Variants in CACNA2D2 observed in about 807,000 individuals in gnomAD.
CACNA2D2 encodes the protein calcium voltage-gated channel auxiliary subunit alpha2delta 2, also known as voltage-dependent calcium channel subunit alpha-2/delta-2.
CACNA2D2 carries 48 observed loss-of-function variants against 166.4 expected under a neutral mutation model. The ratio of observed to expected loss-of-function variants is 0.29; its 90% confidence interval spans 0.23 to 0.37. The LOEUF (loss-of-function observed/expected upper bound fraction) is 0.37, where lower values mean the gene tolerates loss of function less well. Among genes scored for constraint, CACNA2D2 ranks in the 10% least tolerant of loss-of-function variants. The probability of loss-of-function intolerance (pLI) is 1.00; values close to 1 mark genes in which losing one functional copy is unlikely to be tolerated. For missense variants in CACNA2D2, 1,122 were observed against 1,433.0 expected (o/e 0.78, Z 3.50); for synonymous variants, 561 against 573.7 (o/e 0.98, Z 0.32).
chr3:50,473,535 C>T (rs1197098211), intron 2 of CACNA2D2, among the ~76,000 whole-genome samples: 7 of 152,340 alleles, frequency 4.6e-5, no homozygotes, highest in African/African-American at 1.7e-4. Flanking sequence ...AGGCTGTCAG[C>T]TTGGCAGAGC....
chr3:50,484,760 C>T (rs1698207528), intron 1 of CACNA2D2, among the ~76,000 whole-genome samples: 1 of 152,268 alleles, frequency 6.6e-6, no homozygotes, highest in African/African-American at 2.4e-5. Flanking sequence ...TAGCCTCTGC[C>T]TTGGGCTGTG....
In CACNA2D2 at chr3:50,427,593, C is replaced by T. The variant is rs991443250; in HGVS notation, c.405+6720G>A. The stretch of plus-strand genomic sequence containing the variant: ...GGGGAGGCAGAAGCCATCGCCAGCC[C>T]CACATAAACACCTTTTAATTGCCCA... On this transcript the variant is annotated intron_variant, in intron 3 of 37. Coordinates refer to ENST00000424201, the MANE Select transcript of CACNA2D2 (RefSeq NM_006030.4). The surrounding 1 kb of genome is among the most constrained non-coding windows in gnomAD (Gnocchi z 4.7). Among the ~76,000 whole-genome samples the T allele has an allele frequency of 1.3e-5, 2 of 152,222 alleles. No homozygotes were observed. Among genetic ancestry groups the T allele is most frequent in the African/African-American group, 4.8e-5 (2 of 41,450 alleles).
At chr3:50,448,417 G>A (rs757240203) in intron 2 of CACNA2D2, among the ~76,000 whole-genome samples, 4 of 152,122 alleles carry the variant, frequency 2.6e-5, no homozygotes, top group Admixed American at 2.0e-4. Context: ...GAGTGTATCT[G>A]TACATGTATG....
At chr3:50,385,005 AT>A (rs1320906050) in intron 5 of CACNA2D2, among the ~76,000 whole-genome samples, 2 of 150,370 alleles carry the variant, frequency 1.3e-5, no homozygotes, top group African/African-American at 4.8e-5. Flanking sequence ...GCCCCTGTTG[AT>A]TTTCTAAAAT....
intron 2 of CACNA2D2, among the ~76,000 whole-genome samples, chr3:50,454,079 CT>C (rs1709233613): frequency 6.6e-6 from 1 of 152,228 alleles, no homozygotes; most frequent in Non-Finnish European, 1.5e-5. Flanking sequence ...ATAGCTTTTG[CT>C]GAATTCAGCT....
intron 3 of CACNA2D2, among the ~76,000 whole-genome samples, chr3:50,432,125 G>A (rs1708100379): frequency 1.3e-5 from 2 of 152,298 alleles, no homozygotes; most frequent in East Asian, 3.9e-4. Context: ...CAAGGGGGGT[G>A]CAGGGAGAGG....
At chr3:50,372,785 G>C (rs1034342899) in intron 22 of CACNA2D2, among the ~76,000 whole-genome samples, 1 of 152,128 alleles carries the variant, frequency 6.6e-6, no homozygotes. Flanking sequence ...GGGGAGGCAG[G>C]GGCCTCCCCA....
At chr3:50,442,990 C>CA (rs973003768) in intron 2 of CACNA2D2, among the ~76,000 whole-genome samples, 2 of 152,300 alleles carry the variant, frequency 1.3e-5, no homozygotes, top group Admixed American at 1.3e-4. Context: ...CCTGGAATAG[C>CA]ATCGGGTGGG....
intron 5 of CACNA2D2, 150 bp downstream of exon 5, chr3:50,387,418 G>A: frequency 1.4e-6 from 1 of 724,452 alleles, no homozygotes. Context: ...CGGACTTCTA[G>A]GGAGTTGTGG....
chr3:50,368,676 G>A (rs1704488154), intron 23 of CACNA2D2, among the ~76,000 whole-genome samples: 1 of 152,216 alleles, frequency 6.6e-6, no homozygotes, highest in Non-Finnish European at 1.5e-5. Context: ...CTGGCTGTGT[G>A]CCGTTAGGTA....
At chr3:50,400,361 G>C (rs933369113) in intron 3 of CACNA2D2, among the ~76,000 whole-genome samples, 4 of 152,248 alleles carry the variant, frequency 2.6e-5, no homozygotes, top group African/African-American at 9.6e-5. Context: ...TGCGTCCACA[G>C]TCAGGGACCA....
chr3:50,379,031 G>A lies in CACNA2D2; in HGVS notation c.1261-38C>T, dbSNP rs371624739. 6.2e-7 allele frequency: 1 copy of A among 1,612,268 alleles called. No homozygotes were observed. Among genetic ancestry groups the A allele is most frequent in the African/African-American group, 1.3e-5 (1 of 74,994 alleles). On this transcript the variant is annotated intron_variant, in intron 12 of 37. Coordinates refer to ENST00000424201, the MANE Select transcript of CACNA2D2 (RefSeq NM_006030.4). The surrounding 1 kb of genome is among the most constrained non-coding windows in gnomAD (Gnocchi z 6.5). ...TGAGGTTACTGCTGTGGCCACCAGGGGACAGCCCTCTTCTGTACTGGGCCC... is the reference window on the plus strand; with the variant it reads ...TGAGGTTACTGCTGTGGCCACCAGGAGACAGCCCTCTTCTGTACTGGGCCC...
rs1369067375 is a variant in CACNA2D2, at chr3:50,363,168, TAC to T, written c.*1496_*1497del. The T allele has an allele frequency of 7.5e-6, 3 of 398,774 alleles. No homozygotes were observed. The highest frequency in any genetic ancestry group is 6.2e-5 in the African/African-American group (3 of 48,598). 24.7% of individuals were successfully genotyped at this position (398,774 alleles called of 1,614,324 possible). ...TTCTCCATTGAGCACCTGACTACAC[TAC>T]AGTTACACGCACGCCCCCGAAGGAC... On this transcript the variant is annotated 3_prime_UTR_variant, in exon 38 of 38. Transcript: ENST00000424201.
At chr3:50,437,506 C>T (rs567230311) in intron 2 of CACNA2D2, among the ~76,000 whole-genome samples, 23 of 152,280 alleles carry the variant, frequency 1.5e-4, no homozygotes, top group Admixed American at 2.6e-4. Flanking sequence ...CAACAGTCCT[C>T]GAATGATAGC....
Position 50,376,052 on chromosome 3 carries a change from GGAAGTCA to G in CACNA2D2, c.1702-25_1702-19del. 6.2e-7 allele frequency: 1 copy of G among 1,613,258 alleles called. No individual in the cohort carries two copies. The highest frequency in any genetic ancestry group is 1.3e-5 in the African/African-American group (1 of 75,036). On this transcript the variant is annotated intron_variant, in intron 18 of 37. Transcript: ENST00000424201. This position sits in a 1 kb window ranked among gnomAD's most constrained non-coding sequence, Gnocchi z 4.3. ...TTGGTGGTCTGTTGGAGGCAGGGTG[GGAAGTCA>G]GAAGTCCCCATTGTGGAAGGTTTGC...
At chr3:50,463,236 C>T (rs1160046218) in intron 2 of CACNA2D2, among the ~76,000 whole-genome samples, 1 of 152,068 alleles carries the variant, frequency 6.6e-6, no homozygotes, top group East Asian at 1.9e-4. Flanking sequence ...CAGCCACAGG[C>T]ATCTGAGAGA....
chr3:50,380,648 C>T lies in CACNA2D2; in HGVS notation c.842+100G>A, dbSNP rs754512837. On this transcript the variant is annotated intron_variant, in intron 8 of 37. Transcript: ENST00000424201. This position sits in a 1 kb window ranked among gnomAD's most constrained non-coding sequence, Gnocchi z 4.9. ...AATGAAAATTGGATACAGCTGGCTG[C>T]GCCCTGCTAGGAGGCTTGGAAATGG... is the stretch of plus-strand genomic sequence containing the variant. 15 of 964,224 alleles carry T rather than the reference C, an allele frequency of 1.6e-5. No homozygotes were observed. Among genetic ancestry groups the T allele is most frequent in the South Asian group, 5.6e-5 (3 of 53,432 alleles). 59.7% of individuals were successfully genotyped at this position (964,224 alleles called of 1,614,324 possible).
chr3:50,363,071 C>T lies in CACNA2D2; in HGVS notation c.*1595G>A, dbSNP rs929489629. 2.5e-6 allele frequency: 1 copy of T among 398,558 alleles called. No homozygotes were observed. Among genetic ancestry groups the T allele is most frequent in the South Asian group, 1.3e-4 (1 of 7,746 alleles). The allele number at this position is 398,558 out of a possible 1,614,324, so 24.7% of individuals were successfully genotyped here. ...ACCCAGCTGGGGGTTAGACAGCTACCTGATGGGGATTGTTTTGTCTGTTTT... is the reference window on the plus strand; with the variant it reads ...ACCCAGCTGGGGGTTAGACAGCTACTTGATGGGGATTGTTTTGTCTGTTTT... On this transcript the variant is annotated 3_prime_UTR_variant, in exon 38 of 38. Coordinates refer to ENST00000424201, the MANE Select transcript of CACNA2D2 (RefSeq NM_006030.4).
At chr3:50,402,666 C>T (rs1251540938) in intron 3 of CACNA2D2, among the ~76,000 whole-genome samples, 3 of 152,190 alleles carry the variant, frequency 2.0e-5, no homozygotes, top group Non-Finnish European at 4.4e-5. Context: ...CCCACAGGGG[C>T]TCAAACGGGT....
Sources: allele counts gnomAD v4.1 joint callset (sites outside exome capture counted in the v4.1 genomes callset), GRCh38; gene constraint gnomAD v4.1.1; non-coding constraint Gnocchi (gnomAD v3.1); transcripts MANE v1.5; gene names NCBI Gene and HGNC (gene_info 2026-07-23, HGNC 2026-07-21).